The following SCYL1 variants were observed in gnomAD, a reference collection of about 807,000 sequenced individuals.
SCYL1 encodes the protein N-terminal kinase-like protein.
SCYL1 carries 85 observed loss-of-function variants against 94.8 expected under a neutral mutation model. The observed-to-expected ratio is 0.90, with a 90% CI of 0.75 to 1.07. The LOEUF (loss-of-function observed/expected upper bound fraction) is 1.07. Among genes scored for constraint, SCYL1 ranks in the 50% least tolerant of loss-of-function variants. SCYL1 has a pLI of 0.00. For synonymous variants in SCYL1, 459 were observed against 435.5 expected (o/e 1.05, Z -0.67); for missense variants, 968 against 1,083.3 (o/e 0.89, Z 1.49).
Position 65,536,692 on chromosome 11 carries a change from T to C in SCYL1, c.1758T>C (p.Arg586=), listed in dbSNP as rs759519582. The C allele has an allele frequency of 6.2e-7, 1 of 1,613,344 alleles. No individual in the cohort carries two copies. Among genetic ancestry groups the C allele is most frequent in the Non-Finnish European group, 8.5e-7 (1 of 1,179,412 alleles). ...CCTCACTCACCTCCAAGCTGATCCGTTCGCACCCAACCACTGCCCCAACAG... is the reference window on the plus strand; with the variant it reads ...CCTCACTCACCTCCAAGCTGATCCGCTCGCACCCAACCACTGCCCCAACAG... ...GVSSLTSKLI[R]SHPTTAPTET... is the part of the protein sequence containing the mutation. The change falls in exon 13 of 18, where the codon CGT becomes CGC. Residue 586 remains arginine (R), a synonymous_variant. Transcript: ENST00000270176.
In SCYL1 at chr11:65,538,561, G is replaced by A. The variant is rs770837602; in HGVS notation, c.2422G>A (p.Asp808Asn). Residue 808 changes from aspartate (D) to asparagine (N), a missense_variant, in exon 18 of 18, where the codon GAC becomes AAC. Coordinates refer to ENST00000270176, the MANE Select transcript of SCYL1 (RefSeq NM_020680.4). ...GPMKLGARKLD is the reference protein window; with the variant it reads ...GPMKLGARKLN The stretch of plus-strand genomic sequence containing the variant: ...CATGAAGCTGGGAGCCCGGAAGCTG[G>A]ACTGAACCGTGGCGGTGGCCCTTCC... The A allele has an allele frequency of 1.2e-6, 2 of 1,610,920 alleles. No homozygotes were observed. The highest frequency in any genetic ancestry group is 1.7e-6 in the Non-Finnish European group (2 of 1,179,100).
intron 8 of SCYL1, among the ~76,000 whole-genome samples, chr11:65,532,443 AAAAT>A (rs1410608891): frequency 2.0e-5 from 3 of 151,560 alleles, no homozygotes; most frequent in African/African-American, 7.3e-5. Context: ...AAAAAAAAAA[AAAAT>A]AGAAGAGGCT....
At chr11:65,537,279 G>T in intron 14 of SCYL1, 151 bp downstream of exon 14, 1 of 863,816 alleles carries the variant, frequency 1.2e-6, no homozygotes, top group Admixed American at 2.5e-5. Flanking sequence ...GGCCATTGTA[G>T]GCCAGAGCCA....
At chr11:65,528,298 G>A (rs185138035) in intron 6 of SCYL1, among the ~76,000 whole-genome samples, 26 of 152,104 alleles carry the variant, frequency 1.7e-4, no homozygotes, top group Non-Finnish European at 3.4e-4. Context: ...AAAATTAGCC[G>A]GGAGTGGTGG....
chr11:65,528,068 C>T (rs1340399513), intron 6 of SCYL1, among the ~76,000 whole-genome samples: 3 of 152,202 alleles, frequency 2.0e-5, no homozygotes, highest in Admixed American at 2.0e-4. Flanking sequence ...GATCACTGTC[C>T]TCAAGAATCT....
In SCYL1 at chr11:65,537,709, C is replaced by CA. The variant is rs1045110349; in HGVS notation, c.1960-96dup. 63 of 1,058,782 alleles carry CA rather than the reference C, an allele frequency of 6.0e-5. No individual in the cohort carries two copies. The Middle Eastern group carries it at 1.2e-3, about 21-fold the overall frequency. 65.6% of individuals were successfully genotyped at this position (1,058,782 alleles called of 1,614,324 possible). ...CCTGAGGAGCAAATGAGGAGGAAGGCAAAAGACAGTGGTGGGGCCCGTGGC... is the reference window on the plus strand; with the variant it reads ...CCTGAGGAGCAAATGAGGAGGAAGGCAAAAAGACAGTGGTGGGGCCCGTGGC... On this transcript the variant is annotated intron_variant, in intron 14 of 17. Transcript: ENST00000270176.
At position 65,526,714 on chromosome 11, in the gene SCYL1, G is replaced by A. The variant is rs1369645206; in HGVS notation, c.603-69G>A. 5.0e-5 allele frequency: 74 copies of A among 1,493,414 alleles called. No homozygotes were observed. The Admixed American group carries it at 1.3e-3, about 27-fold the overall frequency. The allele number at this position is 1,493,414 out of a possible 1,614,324, so 92.5% of individuals were successfully genotyped here. A position where few individuals can be genotyped will look rare whatever the true frequency, so the allele number is the denominator to read the frequency against. ...CCCTGGCATGCAGTGGGTGCCTGGTGCCCAAGGCAGGCTGGAGGCCTGTGC... is the reference window on the plus strand; with the variant it reads ...CCCTGGCATGCAGTGGGTGCCTGGTACCCAAGGCAGGCTGGAGGCCTGTGC... On this transcript the variant is annotated intron_variant, in intron 4 of 17. Transcript: ENST00000270176. The surrounding 1 kb of genome is among the most constrained non-coding windows in gnomAD (Gnocchi z 4.1).
At chr11:65,532,401 G>A (rs547676172) in intron 8 of SCYL1, among the ~76,000 whole-genome samples, 2 of 149,740 alleles carry the variant, frequency 1.3e-5, no homozygotes, top group South Asian at 2.1e-4. Flanking sequence ...CTCCAGCCTC[G>A]GTGACAGAGC....
chr11:65,525,457 C>A, intron 1 of SCYL1, 117 bp from the exon 2 acceptor site: 1 of 1,313,528 alleles, frequency 7.6e-7, no homozygotes, highest in Non-Finnish European at 1.0e-6. Flanking sequence ...GCCGGGGTCA[C>A]GTGGGCCCGG....
intron 8 of SCYL1, 137 bp downstream of exon 8, chr11:65,531,820 G>A: frequency 1.5e-6 from 1 of 658,374 alleles, no homozygotes; most frequent in Non-Finnish European, 2.7e-6. Flanking sequence ...ACCCAATGAG[G>A]CCAGGCTCTC....
chr11:65,526,430 C>T lies in SCYL1; in HGVS notation c.602+80C>T. On this transcript the variant is annotated intron_variant, in intron 4 of 17. Transcript: ENST00000270176. This position sits in a 1 kb window ranked among gnomAD's most constrained non-coding sequence, Gnocchi z 4.1. Reference sequence around the variant, plus strand: ...GCCTCAGGACTCCTAGACTAGTTGGCACTCCCCTGTTCCCTGCTGCCTGGC... The same window carrying T: ...GCCTCAGGACTCCTAGACTAGTTGGTACTCCCCTGTTCCCTGCTGCCTGGC... 8.6e-7 allele frequency: 1 copy of T among 1,157,120 alleles called. No homozygotes were observed. The highest frequency in any genetic ancestry group is 1.2e-6 in the Non-Finnish European group (1 of 817,824). The allele number at this position is 1,157,120 out of a possible 1,614,324, so 71.7% of individuals were successfully genotyped here. A position where few individuals can be genotyped will look rare whatever the true frequency, so the allele number is the denominator to read the frequency against.
chr11:65,534,109 T>C (rs1181379007), intron 9 of SCYL1, among the ~76,000 whole-genome samples: 1 of 152,016 alleles, frequency 6.6e-6, no homozygotes, highest in African/African-American at 2.4e-5. Flanking sequence ...TGGGCGCCTG[T>C]GGTCCCAGCT....
rs574960789 is a variant in SCYL1, at chr11:65,536,372, A to G, written c.1651+38A>G. On this transcript the variant is annotated intron_variant, in intron 12 of 17. Coordinates refer to ENST00000270176, the MANE Select transcript of SCYL1 (RefSeq NM_020680.4). ...CACTCGTGTTCCCTCTTTCCCTGCC[A>G]TGTCCTTGACTGTGACCTGTTTGTG... The G allele has an allele frequency of 1.5e-5, 24 of 1,604,748 alleles. No homozygotes were observed. In the African/African-American group the frequency reaches 2.4e-4, roughly 16 times the overall value.
At chr11:65,535,862 G>A in intron 10 of SCYL1, 91 bp from the exon 11 acceptor site, 1 of 1,242,720 alleles carries the variant, frequency 8.0e-7, no homozygotes, top group Non-Finnish European at 1.1e-6. Context: ...GGGGACCTAT[G>A]GGTGGTCCCA....
In SCYL1 at chr11:65,535,343, A is replaced by G. The variant is rs558878075; in HGVS notation, c.1347A>G (p.Thr449=). 7 of 1,614,258 alleles carry G rather than the reference A, an allele frequency of 4.3e-6. No individual in the cohort carries two copies. Among genetic ancestry groups the G allele is most frequent in the Non-Finnish European group, 5.9e-6 (7 of 1,180,028 alleles). ...AGGGCCCCATCCGCTGCAACACCAC[A>G]GTCTGCCTGGGCAAAATCGGCTCCT... The part of the protein sequence containing the change: ...DEQGPIRCNT[T]VCLGKIGSYL... Residue 449 remains threonine, a synonymous_variant, in exon 10 of 18, where the codon ACA becomes ACG. Transcript: ENST00000270176.
chr11:65,531,455 T>TGCCC (rs1855356117), intron 7 of SCYL1, 121 bp from the exon 8 acceptor site: 1 of 721,826 alleles, frequency 1.4e-6, no homozygotes. Context: ...AGGAAATGCC[T>TGCCC]GCCCCCCCCT....
chr11:65,538,550 C>A lies in SCYL1; in HGVS notation c.2411C>A (p.Ala804Asp). 1.2e-6 allele frequency: 2 copies of A among 1,611,436 alleles called. No individual in the cohort carries two copies. The highest frequency in any genetic ancestry group is 1.7e-6 in the Non-Finnish European group (2 of 1,179,400). The change falls in exon 18 of 18, where the codon GCC (alanine) becomes GAC (aspartate). Residue 804 changes from alanine to aspartate, a missense_variant. Ala to Asp is a moderately radical substitution (Grantham distance 126). Transcript: ENST00000270176. Reference protein sequence around the residue: ...KVAKGPMKLGARKLD With the variant: ...KVAKGPMKLGDRKLD ...GCCAAGGGCCCCATGAAGCTGGGAG[C>A]CCGGAAGCTGGACTGAACCGTGGCG...
intron 6 of SCYL1, among the ~76,000 whole-genome samples, chr11:65,529,223 G>A (rs1383416554): frequency 6.6e-6 from 1 of 152,154 alleles, no homozygotes; most frequent in Non-Finnish European, 1.5e-5. Context: ...TTTGGAGGGT[G>A]GAAACCTGGA....
At position 65,538,622 on chromosome 11, in the gene SCYL1, T is replaced by C. The variant is rs1855861151; in HGVS notation, c.*56T>C. On this transcript the variant is annotated 3_prime_UTR_variant, in exon 18 of 18. Transcript: ENST00000270176. ...GAGCCCGCCCCACAGATGTATTTAT[T>C]GTACAAACCATGTGAGCCCGGCCGG... 1 of 1,568,400 alleles carries C rather than the reference T, an allele frequency of 6.4e-7. No homozygotes were observed. Among genetic ancestry groups the C allele is most frequent in the African/African-American group, 1.4e-5 (1 of 74,068 alleles).
Sources: gnomAD v4.1 joint callset for allele counts (sites outside exome capture counted in the v4.1 genomes callset) on GRCh38, gnomAD v4.1.1 for gene constraint, Gnocchi (gnomAD v3.1) non-coding constraint, MANE v1.5 for transcripts, NCBI Gene and HGNC (gene_info 2026-07-23, HGNC 2026-07-21) for gene names.